Variants in NUMB observed in about 807,000 individuals in gnomAD.
The protein encoded by NUMB is protein numb homolog.
In NUMB, 29 loss-of-function variants were observed where a neutral mutation model predicts 59.7. That is an observed-to-expected ratio of 0.49 (90% CI 0.36 to 0.66). The LOEUF is 0.66. Among genes scored for constraint, NUMB ranks in the 30% least tolerant of loss-of-function variants. The pLI, the probability that NUMB is intolerant of heterozygous loss-of-function variation, is 0.00. For missense variants in NUMB, 723 were observed against 822.0 expected, an observed-to-expected ratio of 0.88 and a Z score of 1.47; for synonymous variants, 288 against 288.2, an observed-to-expected ratio of 1.00 and a Z score of 0.01.
At chr14:73,359,857 CCT>C (rs1158949059) in intron 3 of NUMB, among the ~76,000 whole-genome samples, 2 of 151,562 alleles carry the variant, frequency 1.3e-5, no homozygotes, top group Non-Finnish European at 2.9e-5. Flanking sequence ...TTGTCTTGCT[CCT>C]CTCTTTTTCC....
rs189288785 is a variant in NUMB, at chr14:73,374,917, C to T, written c.-100-7936G>A. The stretch of plus-strand genomic sequence containing the variant: ...TGCATTTTTAGTAGCGATGATGTTT[C>T]ACCATGTTGGCCAGGCTGGTCTCGA... On this transcript the variant is annotated intron_variant, in intron 2 of 12. Transcript: ENST00000555238. Among the ~76,000 whole-genome samples, 3 of 152,054 alleles carry T rather than the reference C, an allele frequency of 2.0e-5. No homozygotes were observed. The East Asian group carries it at 5.8e-4, about 29-fold the overall frequency.
chr14:73,452,482 T>C lies in NUMB; in HGVS notation c.-233+6011A>G, dbSNP rs184004301. On this transcript the variant is annotated intron_variant, in intron 1 of 12. Transcript: ENST00000555238. Reference sequence around the variant, plus strand: ...CTGCAGTGAGCCGAGATCATGCCACTGCATACTCCCTCCACGTCAAAAGAG... The same window carrying C: ...CTGCAGTGAGCCGAGATCATGCCACCGCATACTCCCTCCACGTCAAAAGAG... 4.6e-5 allele frequency among the ~76,000 whole-genome samples: 7 copies of C among 152,176 alleles called. No homozygotes were observed. The East Asian group carries it at 1.2e-3, about 25-fold the overall frequency.
At chr14:73,373,886 G>C (rs1157101680) in intron 2 of NUMB, among the ~76,000 whole-genome samples, 1 of 151,192 alleles carries the variant, frequency 6.6e-6, no homozygotes, top group African/African-American at 2.4e-5. Context: ...TTTCTTTTTT[G>C]AAATGGAATT....
chr14:73,438,194 T>C (rs1246222691), intron 1 of NUMB, among the ~76,000 whole-genome samples: 1 of 152,200 alleles, frequency 6.6e-6, no homozygotes, highest in Non-Finnish European at 1.5e-5. Context: ...ATTTTGAGAA[T>C]ACAGAAATAC....
chr14:73,406,722 T>A (rs1039158870), intron 2 of NUMB, among the ~76,000 whole-genome samples: 1 of 152,074 alleles, frequency 6.6e-6, no homozygotes, highest in Non-Finnish European at 1.5e-5. Context: ...AGTGTAAAAG[T>A]GTTCCTATTT....
chr14:73,363,976 T>C (rs899546750), intron 3 of NUMB, among the ~76,000 whole-genome samples: 4 of 152,020 alleles, frequency 2.6e-5, no homozygotes, highest in African/African-American at 9.7e-5. Context: ...ATAAACTAAA[T>C]CCAACTGTAT....
intron 2 of NUMB, among the ~76,000 whole-genome samples, chr14:73,367,696 G>A (rs985133082): frequency 2.7e-5 from 4 of 149,944 alleles, no homozygotes; most frequent in Non-Finnish European, 4.4e-5. Context: ...GATAGGTTGA[G>A]CCTGGGAGGT....
intron 12 of NUMB, 120 bp downstream of exon 12, chr14:73,279,161 G>A (rs1888427784): frequency 1.8e-6 from 2 of 1,096,034 alleles, no homozygotes; most frequent in Non-Finnish European, 2.7e-6. Flanking sequence ...TTTCTAGGAG[G>A]GAACATAGTT....
intron 1 of NUMB, among the ~76,000 whole-genome samples, chr14:73,449,024 T>C (rs76067809): frequency 0.021 from 3,129 of 152,248 alleles, 106 homozygotes; most frequent in African/African-American, 0.071. Flanking sequence ...GTAATGAACA[T>C]GTACCTACTT....
Position 73,275,654 on chromosome 14 carries a change from T to C in NUMB, c.*924A>G, listed in dbSNP as rs986216812. ...ATTTCGATTGATTCCATTAAAATAA[T>C]GACATTAGAATTCCATCATAGGTTT... On this transcript the variant is annotated 3_prime_UTR_variant, in exon 13 of 13. Transcript: ENST00000555238. 20 of 152,204 alleles carry C rather than the reference T, an allele frequency of 1.3e-4. No homozygotes were observed. Among genetic ancestry groups the C allele is most frequent in the Non-Finnish European group, 7.3e-5 (5 of 68,042 alleles). The allele number at this position is 152,204 out of a possible 1,614,324, so 9.4% of individuals were successfully genotyped here.
chr14:73,343,509 T>C (rs10142258), intron 4 of NUMB, among the ~76,000 whole-genome samples: 35,342 of 152,190 alleles, frequency 0.23, 5,083 homozygotes, highest in East Asian at 0.68. Flanking sequence ...CCCTTGATGG[T>C]ACAGGCTGAA....
At chr14:73,367,979 A>G (rs935529186) in intron 2 of NUMB, among the ~76,000 whole-genome samples, 2 of 152,098 alleles carry the variant, frequency 1.3e-5, no homozygotes, top group Admixed American at 6.6e-5. Context: ...TTCCATTTTC[A>G]CAAGAACTTA....
intron 2 of NUMB, among the ~76,000 whole-genome samples, chr14:73,402,984 T>C (rs981971584): frequency 6.6e-6 from 1 of 152,218 alleles, no homozygotes; most frequent in Admixed American, 6.5e-5. Flanking sequence ...AGATGTTAAC[T>C]GGTTACTCAA....
At chr14:73,325,349 G>A (rs1234429357) in intron 4 of NUMB, among the ~76,000 whole-genome samples, 5 of 152,060 alleles carry the variant, frequency 3.3e-5, no homozygotes, top group Admixed American at 3.3e-4. Context: ...AACTATTCAG[G>A]AGGCTGAGGC....
intron 8 of NUMB, among the ~76,000 whole-genome samples, chr14:73,287,817 T>A (rs1226842461): frequency 6.6e-6 from 1 of 152,206 alleles, no homozygotes; most frequent in African/African-American, 2.4e-5. Flanking sequence ...GTTACAAGCC[T>A]TGGGGTAAAG....
chr14:73,387,760 CAAAA>C (rs201213070), intron 2 of NUMB, among the ~76,000 whole-genome samples: 43 of 131,560 alleles, frequency 3.3e-4, no homozygotes, highest in African/African-American at 1.3e-3. Context: ...AACAAACAAA[CAAAA>C]AAAAAACCAA....
rs149866238 is a variant in NUMB at position 73,386,221 on chromosome 14, C to A, written c.-100-19240G>T. Among the ~76,000 whole-genome samples, 359 of 152,222 alleles carry A rather than the reference C, an allele frequency of 2.4e-3. 3 individuals are homozygous for A. The highest frequency in any genetic ancestry group is 8.2e-3 in the African/African-American group (339 of 41,550). ...TCTGTGAACAGCCACTGCACTCCAG[C>A]CTGGGCAACATAGTGAGATGCCATC... On this transcript the variant is annotated intron_variant, in intron 2 of 12. Transcript: ENST00000555238.
At chr14:73,437,109 G>A (rs1377238851) in intron 1 of NUMB, among the ~76,000 whole-genome samples, 3 of 128,918 alleles carry the variant, frequency 2.3e-5, no homozygotes, top group Non-Finnish European at 4.6e-5. Context: ...GCAGTGGCAC[G>A]ATCACAACTC....
In NUMB at chr14:73,319,061, G is replaced by C. The variant is rs560452905; in HGVS notation, c.202-2639C>G. 2.6e-5 allele frequency among the ~76,000 whole-genome samples: 4 copies of C among 152,220 alleles called. No individual in the cohort carries two copies. The South Asian group carries it at 8.3e-4, about 32-fold the overall frequency. ...GGCCCAGGCTGGTGGATCACCTAAG[G>C]TCAGGAGTTGGAGATCAGCCTGGCC... is the stretch of plus-strand genomic sequence containing the variant. On this transcript the variant is annotated intron_variant, in intron 5 of 12. Coordinates refer to ENST00000555238, the MANE Select transcript of NUMB (RefSeq NM_001005743.2).
Sources: allele counts gnomAD v4.1 joint callset (sites outside exome capture counted in the v4.1 genomes callset), GRCh38; gene constraint gnomAD v4.1.1; transcripts MANE v1.5; gene names NCBI Gene and HGNC (gene_info 2026-07-23, HGNC 2026-07-21).